Variants in CPAP observed in about 807,000 individuals in gnomAD.
CPAP encodes centrosomal P4.1-associated protein.
the CPAP span, chr13:24,893,003 G>A: frequency 0.17 from 123,934 of 717,306 alleles, 12,070 homozygotes; most frequent in South Asian, 0.31. Flanking sequence ...CGACATTTAA[G>A]ACGAATGTCG....
chr13:24,882,807 C>CAA, the CPAP span: 1 of 251,742 alleles, frequency 4.0e-6, no homozygotes, highest in Non-Finnish European at 7.8e-6. Flanking sequence ...ACCTTCTGTA[C>CAA]AAGTCCAGTG....
At chr13:24,905,754 C>G in the CPAP span, 1 of 1,614,170 alleles carries the variant, frequency 6.2e-7, no homozygotes. Context: ...CTACTGTAAT[C>G]TTTATCAGAC....
the CPAP span, among the ~76,000 whole-genome samples, chr13:24,911,769 C>T: frequency 3.5e-4 from 53 of 151,748 alleles, no homozygotes; most frequent in Admixed American, 2.0e-4. Flanking sequence ...CACCAGAATG[C>T]GGCAGCTCCT....
the CPAP span, among the ~76,000 whole-genome samples, chr13:24,922,547 G>C: frequency 6.6e-6 from 1 of 152,246 alleles, no homozygotes; most frequent in Non-Finnish European, 1.5e-5. Context: ...CCCCAGCTCT[G>C]CGAAGAACAA....
the CPAP span, chr13:24,889,387 C>A: frequency 6.2e-7 from 1 of 1,605,522 alleles, no homozygotes; most frequent in Non-Finnish European, 8.5e-7. Context: ...GTTTTGAAAT[C>A]GAACAGATGT....
the CPAP span, chr13:24,883,430 A>T: frequency 7.4e-7 from 1 of 1,350,674 alleles, no homozygotes; most frequent in Admixed American, 2.0e-5. Context: ...TAAACAACAG[A>T]AAAACTACTG....
chr13:24,901,725 C>G, the CPAP span, among the ~76,000 whole-genome samples: 2 of 152,200 alleles, frequency 1.3e-5, no homozygotes, highest in Non-Finnish European at 2.9e-5. Flanking sequence ...GACATCGTAG[C>G]TCATGCCTGT....
At chr13:24,899,697 T>C in the CPAP span, 6 of 806,168 alleles carry the variant, frequency 7.4e-6, no homozygotes, top group East Asian at 2.6e-5. Context: ...CTTCAATCCA[T>C]AGGCCTGAAA....
chr13:24,908,040 C>A, the CPAP span: 1 of 1,612,102 alleles, frequency 6.2e-7, no homozygotes, highest in Admixed American at 1.7e-5. Flanking sequence ...TTAGCCACTT[C>A]TGAGGAATCA....
the CPAP span, among the ~76,000 whole-genome samples, chr13:24,924,484 C>G: frequency 0.05 from 7,546 of 152,258 alleles, 238 homozygotes; most frequent in Non-Finnish European, 0.071. Context: ...TAAGTTTTCA[C>G]CTGTAGCCCA....
the CPAP span, among the ~76,000 whole-genome samples, chr13:24,918,153 A>G: frequency 6.6e-6 from 1 of 152,240 alleles, no homozygotes; most frequent in South Asian, 2.1e-4. Flanking sequence ...AAGCTACACT[A>G]TGGAAGACTC....
At chr13:24,912,831 G>A in the CPAP span, 121 of 1,614,028 alleles carry the variant, frequency 7.5e-5, no homozygotes, top group Non-Finnish European at 1.7e-5. Context: ...TTATAAAGCT[G>A]AAGCTATCAG....
At chr13:24,932,859 A>G in the CPAP span, 2 of 597,478 alleles carry the variant, frequency 3.3e-6, no homozygotes, top group Non-Finnish European at 5.9e-6. Flanking sequence ...ATGATATTCA[A>G]TTTTTACAAT....
the CPAP span, among the ~76,000 whole-genome samples, chr13:24,911,756 G>A: frequency 6.6e-6 from 1 of 150,804 alleles, no homozygotes; most frequent in East Asian, 1.9e-4. Context: ...CAGGGCATGC[G>A]CACACCAGAA....
chr13:24,907,032 A>G, the CPAP span: 2 of 1,596,598 alleles, frequency 1.3e-6, no homozygotes, highest in Non-Finnish European at 1.7e-6. Context: ...TTTAAGGCAA[A>G]TTATAGATAA....
chr13:24,886,034 CA>C, the CPAP span: 4 of 370,478 alleles, frequency 1.1e-5, no homozygotes, highest in East Asian at 2.7e-4. Flanking sequence ...TTAGTTAAAA[CA>C]TAAATGCCCT....
the CPAP span, among the ~76,000 whole-genome samples, chr13:24,911,013 AG>A: frequency 6.6e-6 from 1 of 152,204 alleles, no homozygotes; most frequent in Admixed American, 6.5e-5. Flanking sequence ...TGAGCAGAAC[AG>A]GTGCTTTCCT....
chr13:24,924,449 G>A, the CPAP span, among the ~76,000 whole-genome samples: 1 of 152,138 alleles, frequency 6.6e-6, no homozygotes, highest in Non-Finnish European at 1.5e-5. Flanking sequence ...GTCTTAACTG[G>A]CTGTTAAATT....
chr13:24,894,534 G>T, the CPAP span, among the ~76,000 whole-genome samples: 1 of 152,362 alleles, frequency 6.6e-6, no homozygotes, highest in African/African-American at 2.4e-5. Flanking sequence ...CAGGGCGTGT[G>T]GCGAAAACAG....
Sources: gnomAD v4.1 joint callset for allele counts (sites outside exome capture counted in the v4.1 genomes callset) on GRCh38, gnomAD v4.1.1 for gene constraint, MANE v1.5 for transcripts, NCBI Gene and HGNC (gene_info 2026-07-23, HGNC 2026-07-21) for gene names.